The following TOM1 variants were observed in gnomAD, a reference collection of about 807,000 sequenced individuals.
The protein encoded by TOM1 is target of myb1 membrane trafficking protein, also known as target of Myb protein 1.
Under a neutral mutation model 61.3 loss-of-function variants are expected in TOM1, and 38 were observed. That is an observed-to-expected ratio of 0.62 (90% CI 0.48 to 0.81). The LOEUF is 0.81. Ranked by LOEUF, TOM1 falls within the 40% of genes least tolerant of loss-of-function variation. The pLI is 0.00. For synonymous variants in TOM1, 270 were observed against 268.8 expected (o/e 1.00, Z -0.04); for missense variants, 591 against 659.6 (o/e 0.90, Z 1.14).
intron 11 of TOM1, 83 bp from the exon 12 acceptor site, chr22:35,338,630 A>C: frequency 8.7e-7 from 1 of 1,148,998 alleles, no homozygotes; most frequent in Non-Finnish European, 1.2e-6. Context: ...GGGAGCCGTC[A>C]ATCTGTGCCC....
chr22:35,323,371 A>G lies in TOM1; in HGVS notation c.367-125A>G. The G allele has an allele frequency of 7.3e-7, 1 of 1,375,866 alleles. No individual in the cohort carries two copies. Among genetic ancestry groups the G allele is most frequent in the Non-Finnish European group, 9.9e-7 (1 of 1,009,658 alleles). The allele number at this position is 1,375,866 out of a possible 1,614,324, so 85.2% of individuals were successfully genotyped here. ...CTGCGTGCTTTGCTGTGGAGTGGGC[A>G]GGGCAGATGTAGTTAAAAAAAAAAA... On this transcript the variant is annotated intron_variant, in intron 4 of 14. Coordinates refer to ENST00000449058, the MANE Select transcript of TOM1 (RefSeq NM_005488.3). This position sits in a 1 kb window ranked among gnomAD's most constrained non-coding sequence, Gnocchi z 4.2.
At chr22:35,328,708 G>A (rs1928554792) in intron 7 of TOM1, among the ~76,000 whole-genome samples, 1 of 152,214 alleles carries the variant, frequency 6.6e-6, no homozygotes, top group Non-Finnish European at 1.5e-5. Flanking sequence ...CCGGAGGCCT[G>A]ACCTTGGAGG....
At chr22:35,316,903 CT>C (rs1324234862) in intron 1 of TOM1, among the ~76,000 whole-genome samples, 2 of 152,118 alleles carry the variant, frequency 1.3e-5, no homozygotes, top group Non-Finnish European at 2.9e-5. Context: ...ATCATCACCT[CT>C]CTTTGGGGTA....
At position 35,323,790 on chromosome 22, in the gene TOM1, A is replaced by G. The variant is rs374756692; in HGVS notation, c.524A>G (p.Gln175Arg). The G allele has an allele frequency of 6.2e-7, 1 of 1,611,660 alleles. No homozygotes were observed. Among genetic ancestry groups the G allele is most frequent in the Non-Finnish European group, 8.5e-7 (1 of 1,178,566 alleles). The part of the protein sequence containing the change: ...PQRTVFNSET[Q>R]SGQDSVGTDS... Reference sequence around the variant, plus strand: ...TAGACCGTGTTCAACTCAGAGACACAATCAGGACAGGATTCTGTGGGCACT... The same window carrying G: ...TAGACCGTGTTCAACTCAGAGACACGATCAGGACAGGATTCTGTGGGCACT... Residue 175 changes from glutamine to arginine, a missense_variant, in exon 6 of 15, where the codon CAA becomes CGA. By Grantham distance (43) the Gln-to-Arg change is conservative (BLOSUM62 1). Coordinates refer to ENST00000449058, the MANE Select transcript of TOM1 (RefSeq NM_005488.3). This position sits in a 1 kb window ranked among gnomAD's most constrained non-coding sequence, Gnocchi z 4.2.
chr22:35,302,498 G>A (rs138738), intron 1 of TOM1, among the ~76,000 whole-genome samples: 77,811 of 151,502 alleles, frequency 0.51, 22,825 homozygotes, highest in Non-Finnish European at 0.65. Flanking sequence ...CGCCACACCC[G>A]ACTAATTTTG....
intron 3 of TOM1, chr22:35,322,731 T>C (rs1927910536): frequency 5.4e-6 from 2 of 367,300 alleles, no homozygotes; most frequent in Non-Finnish European, 4.9e-6. Context: ...CCCTTCTCTC[T>C]AGACCATGTT....
At chr22:35,344,805 C>G (rs546894901) in intron 12 of TOM1, 2 of 152,272 alleles carry the variant, frequency 1.3e-5, no homozygotes, top group African/African-American at 4.8e-5. Flanking sequence ...GTTTCTTGAG[C>G]ATCTCCTCCA....
chr22:35,300,059 C>G lies in TOM1; in HGVS notation c.52+79C>G, dbSNP rs1266954861. The stretch of plus-strand genomic sequence containing the variant: ...GGTCCCCTGGGAAGCCTCCGGGTGC[C>G]TAGTCACGGAGGCAGGGAGGGCAAG... On this transcript the variant is annotated intron_variant, in intron 1 of 14. Coordinates refer to ENST00000449058, the MANE Select transcript of TOM1 (RefSeq NM_005488.3). 1.0e-5 allele frequency: 15 copies of G among 1,501,044 alleles called. No individual in the cohort carries two copies. In the South Asian group the frequency reaches 1.2e-4, roughly 12 times the overall value. The allele number at this position is 1,501,044 out of a possible 1,614,324, so 93.0% of individuals were successfully genotyped here.
intron 13 of TOM1, 44 bp from the exon 14 acceptor site, chr22:35,346,885 TG>T (rs1048630612): frequency 2.5e-6 from 4 of 1,593,272 alleles, no homozygotes; most frequent in East Asian, 2.2e-5. Flanking sequence ...CTGACCGTAC[TG>T]GGGGCCCGGC....
chr22:35,302,338 T>C (rs1475708517), intron 1 of TOM1, among the ~76,000 whole-genome samples: 4 of 139,418 alleles, frequency 2.9e-5, no homozygotes, highest in African/African-American at 5.3e-5. Context: ...TTCTTTTTTT[T>C]TTTTTTTTTT....
chr22:35,312,722 CTGAA>C (rs1428866324), intron 1 of TOM1, among the ~76,000 whole-genome samples: 1 of 152,154 alleles, frequency 6.6e-6, no homozygotes, highest in African/African-American at 2.4e-5. Flanking sequence ...ATGAGCCTGA[CTGAA>C]TGAGGAATGG....
chr22:35,306,028 A>G (rs1199490631), intron 1 of TOM1, among the ~76,000 whole-genome samples: 3 of 152,234 alleles, frequency 2.0e-5, no homozygotes, highest in Non-Finnish European at 4.4e-5. Flanking sequence ...AAAAGCAGCT[A>G]CATAGGCCAT....
At chr22:35,315,938 G>A (rs188754395) in intron 1 of TOM1, among the ~76,000 whole-genome samples, 50 of 152,300 alleles carry the variant, frequency 3.3e-4, no homozygotes, top group Admixed American at 1.4e-3. Context: ...ACAAATAGCC[G>A]TGTAGCAAGC....
At chr22:35,324,141 G>A (rs1055290450) in intron 6 of TOM1, among the ~76,000 whole-genome samples, 1 of 152,236 alleles carries the variant, frequency 6.6e-6, no homozygotes, top group African/African-American at 2.4e-5. Context: ...GCTCACGTCT[G>A]TCTGACTCCT....
intron 1 of TOM1, among the ~76,000 whole-genome samples, chr22:35,300,395 C>T (rs1387524868): frequency 6.6e-6 from 1 of 152,186 alleles, no homozygotes; most frequent in East Asian, 1.9e-4. Flanking sequence ...CGGACACAGA[C>T]ACCTGAGAAG....
intron 11 of TOM1, among the ~76,000 whole-genome samples, chr22:35,336,186 C>T (rs999456285): frequency 7.2e-5 from 11 of 152,194 alleles, no homozygotes; most frequent in African/African-American, 2.7e-4. Context: ...TGCAGGCCCT[C>T]CCCAGGGCTT....
rs5999800 is a variant in TOM1 at position 35,338,253 on chromosome 22, A to C, written c.1149-460A>C. Among the ~76,000 whole-genome samples, 123 of 152,304 alleles carry C rather than the reference A, an allele frequency of 8.1e-4. 1 individual carries two copies. Among genetic ancestry groups the C allele is most frequent in the African/African-American group, 2.8e-3 (116 of 41,576 alleles). ...CATCTTTGTGCTGGTGAGCCAGTGC[A>C]AGACAAGATGGCACCTCACCCAGCA... On this transcript the variant is annotated intron_variant, in intron 11 of 14. Coordinates refer to ENST00000449058, the MANE Select transcript of TOM1 (RefSeq NM_005488.3).
chr22:35,316,045 A>G (rs1022864573), intron 1 of TOM1, among the ~76,000 whole-genome samples: 4 of 152,260 alleles, frequency 2.6e-5, no homozygotes, highest in African/African-American at 4.8e-5. Flanking sequence ...CAAGTTCTAC[A>G]TGCCTACTCT....
Position 35,314,133 on chromosome 22 carries a change from T to C in TOM1, c.53-3744T>C, listed in dbSNP as rs532858421. Among the ~76,000 whole-genome samples, 4 of 152,334 alleles carry C rather than the reference T, an allele frequency of 2.6e-5. No individual in the cohort carries two copies. In the South Asian group the frequency reaches 8.3e-4, roughly 32 times the overall value. On this transcript the variant is annotated intron_variant, in intron 1 of 14. Coordinates refer to ENST00000449058, the MANE Select transcript of TOM1 (RefSeq NM_005488.3). Reference sequence around the variant, plus strand: ...GGGCATCTGAAGGAAATCCACATGATTCACCGCAATCCTGTTGTCCACACC... The same window carrying C: ...GGGCATCTGAAGGAAATCCACATGACTCACCGCAATCCTGTTGTCCACACC...
Sources: allele counts gnomAD v4.1 joint callset (sites outside exome capture counted in the v4.1 genomes callset), GRCh38; gene constraint gnomAD v4.1.1; non-coding constraint Gnocchi (gnomAD v3.1); transcripts MANE v1.5; gene names NCBI Gene and HGNC (gene_info 2026-07-23, HGNC 2026-07-21).